LPP: variants seen among roughly 807,000 people sequenced by gnomAD.
LPP encodes lipoma-preferred partner.
Under a neutral mutation model 60.4 loss-of-function variants are expected in LPP, and 38 were observed. That is an observed-to-expected ratio of 0.63 (90% confidence interval 0.49 to 0.83). The LOEUF (loss-of-function observed/expected upper bound fraction) is 0.83. Ranked by LOEUF, LPP falls within the 40% of genes least tolerant of loss-of-function variation. LPP has a pLI of 0.00. For synonymous variants in LPP, 328 were observed against 290.8 expected (o/e 1.13, Z -1.30); for missense variants, 902 against 783.6 (o/e 1.15, Z -1.80).
chr3:188,207,106 A>C (rs950685427), intron 1 of LPP, among the ~76,000 whole-genome samples: 1 of 151,666 alleles, frequency 6.6e-6, no homozygotes, highest in Non-Finnish European at 1.5e-5. Flanking sequence ...CATAGAATTC[A>C]ATTGCCTCAG....
At chr3:188,467,361 T>C (rs553890138) in intron 4 of LPP, among the ~76,000 whole-genome samples, 6 of 152,158 alleles carry the variant, frequency 3.9e-5, no homozygotes, top group African/African-American at 9.6e-5. Flanking sequence ...CTCTGGAAAA[T>C]AGGTACGATG....
intron 8 of LPP, among the ~76,000 whole-genome samples, chr3:188,738,765 T>C (rs768922930): frequency 6.6e-6 from 1 of 152,174 alleles, no homozygotes; most frequent in Non-Finnish European, 1.5e-5. Flanking sequence ...TTGCATTCAC[T>C]GTGTCCCTTT....
Position 188,609,580 on chromosome 3 carries a change from G to C in LPP, c.849G>C (p.Pro283=). The part of the protein sequence containing the change: ...YAYIPPPGLQ[P]EPGYGYAPNQ... ...ACATTCCACCACCAGGACTTCAGCC[G>C]GAGCCTGGGTATGGGTATGCCCCCA... Residue 283 remains proline, a synonymous_variant, in exon 7 of 12, where the codon CCG becomes CCC. Transcript: ENST00000617246. This position sits in a 1 kb window ranked among gnomAD's most constrained non-coding sequence, Gnocchi z 6.9. 1 of 1,614,148 alleles carries C rather than the reference G, an allele frequency of 6.2e-7. No individual in the cohort carries two copies. The highest frequency in any genetic ancestry group is 2.2e-5 in the East Asian group (1 of 44,880).
intron 2 of LPP, among the ~76,000 whole-genome samples, chr3:188,320,231 C>T (rs768476725): frequency 3.9e-5 from 6 of 152,180 alleles, no homozygotes; most frequent in Non-Finnish European, 8.8e-5. Flanking sequence ...AACACATTTG[C>T]AAATTGGTGG....
chr3:188,563,971 A>G (rs1831469677), intron 6 of LPP, among the ~76,000 whole-genome samples: 2 of 151,792 alleles, frequency 1.3e-5, no homozygotes, highest in Admixed American at 1.3e-4. Context: ...GAAGAAGAGT[A>G]GGGTATTCTT....
At chr3:188,667,250 G>A (rs1044429472) in intron 7 of LPP, among the ~76,000 whole-genome samples, 3 of 151,990 alleles carry the variant, frequency 2.0e-5, no homozygotes, top group South Asian at 2.1e-4. Flanking sequence ...AGGCTGAGGC[G>A]GGCAGATCAC....
At chr3:188,593,409 A>T (rs769643527) in intron 6 of LPP, among the ~76,000 whole-genome samples, 4 of 152,110 alleles carry the variant, frequency 2.6e-5, no homozygotes, top group Non-Finnish European at 4.4e-5. Context: ...TAATATATTC[A>T]TTCATTCATT....
intron 8 of LPP, among the ~76,000 whole-genome samples, chr3:188,750,547 T>A (rs1250356824): frequency 6.6e-6 from 1 of 152,016 alleles, no homozygotes; most frequent in Admixed American, 6.6e-5. Flanking sequence ...GCCAGAGAAT[T>A]GCTTGAACCT....
chr3:188,793,496 C>T (rs962226448), intron 9 of LPP, among the ~76,000 whole-genome samples: 8 of 152,010 alleles, frequency 5.3e-5, no homozygotes, highest in African/African-American at 1.9e-4. Flanking sequence ...TCTCATTATA[C>T]TGATAGCAAA....
chr3:188,843,611 C>G (rs1402902928), intron 9 of LPP, among the ~76,000 whole-genome samples: 1 of 151,182 alleles, frequency 6.6e-6, no homozygotes, highest in Non-Finnish European at 1.5e-5. Flanking sequence ...AACGGTGAAA[C>G]CCCGTCTCTA....
intron 8 of LPP, among the ~76,000 whole-genome samples, chr3:188,754,654 A>G (rs1560159710): frequency 6.6e-6 from 1 of 151,930 alleles, no homozygotes; most frequent in African/African-American, 2.4e-5. Flanking sequence ...GGAACCAGGG[A>G]TCAATATTTT....
At chr3:188,438,339 C>T (rs1452709251) in intron 4 of LPP, among the ~76,000 whole-genome samples, 1 of 146,046 alleles carries the variant, frequency 6.8e-6, no homozygotes, top group Non-Finnish European at 1.5e-5. Flanking sequence ...GTGTTCCAGA[C>T]ACTATTCCAT....
intron 9 of LPP, among the ~76,000 whole-genome samples, chr3:188,850,134 G>A (rs1017344045): frequency 6.6e-6 from 1 of 152,232 alleles, no homozygotes; most frequent in African/African-American, 2.4e-5. Context: ...TGAGTCTGAT[G>A]TGCTATTGTG....
chr3:188,282,664 C>CAT (rs1488518384), intron 2 of LPP, among the ~76,000 whole-genome samples: 1 of 152,132 alleles, frequency 6.6e-6, no homozygotes, highest in African/African-American at 2.4e-5. Flanking sequence ...GCCTCTCCAC[C>CAT]CCATGTTCAT....
chr3:188,516,546 T>G (rs191087649), intron 5 of LPP, among the ~76,000 whole-genome samples: 207 of 152,066 alleles, frequency 1.4e-3, no homozygotes, highest in Middle Eastern at 6.8e-3. Context: ...TAATATAGGT[T>G]GTTTTTAAGG....
intron 3 of LPP, among the ~76,000 whole-genome samples, chr3:188,347,375 A>T (rs1401352682): frequency 6.6e-6 from 1 of 152,184 alleles, no homozygotes; most frequent in Non-Finnish European, 1.5e-5. Flanking sequence ...AAGAAAGAAT[A>T]AAAAAAGCTA....
intron 9 of LPP, among the ~76,000 whole-genome samples, chr3:188,862,233 C>T (rs1028093925): frequency 6.6e-6 from 1 of 152,092 alleles, no homozygotes; most frequent in East Asian, 1.9e-4. Context: ...GAATTTGTTT[C>T]CTAGGAAACA....
At chr3:188,444,937 A>T (rs1794863914) in intron 4 of LPP, among the ~76,000 whole-genome samples, 1 of 152,252 alleles carries the variant, frequency 6.6e-6, no homozygotes, top group Admixed American at 6.5e-5. Flanking sequence ...CCACAATGAG[A>T]TACCATCTCA....
intron 6 of LPP, among the ~76,000 whole-genome samples, chr3:188,598,047 G>A (rs1840330647): frequency 6.6e-6 from 1 of 152,106 alleles, no homozygotes; most frequent in Non-Finnish European, 1.5e-5. Flanking sequence ...CCTAAAGGAG[G>A]CATCATTTCG....
Sources: gnomAD v4.1 joint callset for allele counts (sites outside exome capture counted in the v4.1 genomes callset) on GRCh38, gnomAD v4.1.1 for gene constraint, Gnocchi (gnomAD v3.1) non-coding constraint, MANE v1.5 for transcripts, NCBI Gene and HGNC (gene_info 2026-07-23, HGNC 2026-07-21) for gene names.